PTPRM: variants seen among roughly 807,000 people sequenced by gnomAD.
PTPRM encodes receptor-type tyrosine-protein phosphatase mu.
Under a neutral mutation model 186.7 loss-of-function variants are expected in PTPRM, and 47 were observed. The ratio of observed to expected loss-of-function variants is 0.25; its 90% confidence interval spans 0.20 to 0.32. The LOEUF (loss-of-function observed/expected upper bound fraction) is 0.32, where lower values mean the gene tolerates loss of function less well. Among genes scored for constraint, PTPRM ranks in the 10% least tolerant of loss-of-function variants. PTPRM has a pLI of 1.00. For missense variants in PTPRM, 1,494 were observed against 1,865.0 expected, an observed-to-expected ratio of 0.80 and a Z score of 3.66; for synonymous variants, 668 against 674.9, an observed-to-expected ratio of 0.99 and a Z score of 0.16.
chr18:7,616,885 C>T (rs991163388), intron 1 of PTPRM, among the ~76,000 whole-genome samples: 1 of 152,118 alleles, frequency 6.6e-6, no homozygotes, highest in Non-Finnish European at 1.5e-5. Flanking sequence ...CTCTCCTGGC[C>T]AGCGCCCAGG....
intron 7 of PTPRM, chr18:8,017,700 G>A (rs2084965738): frequency 6.6e-6 from 1 of 151,006 alleles, no homozygotes; most frequent in Admixed American, 6.6e-5. Context: ...AGGAAAACAA[G>A]TTCCCAGGAG....
At chr18:8,353,930 G>A (rs549125814) in intron 23 of PTPRM, among the ~76,000 whole-genome samples, 56 of 152,320 alleles carry the variant, frequency 3.7e-4, no homozygotes, top group Admixed American at 2.9e-3. Context: ...AGTATAATGC[G>A]GCTGGGCGCA....
rs77765539 is a variant in PTPRM, at chr18:7,860,301, G to A, written c.197-27805G>A. 2.6e-3 allele frequency among the ~76,000 whole-genome samples: 403 copies of A among 152,232 alleles called. 17 individuals are homozygous for A. In the East Asian group the frequency reaches 0.074, roughly 28 times the overall value. ...TTGGCTAGGCTGGCCTTGAACTTCT[G>A]ACCTCAAGTGATCTGCTGGCCTTGG... On this transcript the variant is annotated intron_variant, in intron 2 of 32. Coordinates refer to ENST00000580170, the MANE Select transcript of PTPRM (RefSeq NM_001105244.2).
chr18:8,188,834 A>G (rs1443889615), intron 14 of PTPRM, among the ~76,000 whole-genome samples: 1 of 152,194 alleles, frequency 6.6e-6, no homozygotes, highest in Non-Finnish European at 1.5e-5. Flanking sequence ...CCTAAGACCT[A>G]CCTGACATCA....
At chr18:7,862,158 A>T (rs1351977163) in intron 2 of PTPRM, among the ~76,000 whole-genome samples, 2 of 152,208 alleles carry the variant, frequency 1.3e-5, no homozygotes, top group Non-Finnish European at 2.9e-5. Context: ...TTATAGTGAA[A>T]TCAGTTAAGT....
At chr18:7,897,195 G>A (rs1274656930) in intron 3 of PTPRM, among the ~76,000 whole-genome samples, 5 of 152,308 alleles carry the variant, frequency 3.3e-5, no homozygotes, top group South Asian at 2.1e-4. Context: ...TTGAATCTCC[G>A]GGAAGGACAC....
At chr18:8,401,648 C>T (rs936318257) in intron 32 of PTPRM, among the ~76,000 whole-genome samples, 2 of 152,218 alleles carry the variant, frequency 1.3e-5, no homozygotes, top group Non-Finnish European at 2.9e-5. Flanking sequence ...GAAGTGCCCA[C>T]GCTGGCCGCC....
At chr18:8,172,393 A>G (rs1478279065) in intron 14 of PTPRM, among the ~76,000 whole-genome samples, 1 of 151,094 alleles carries the variant, frequency 6.6e-6, no homozygotes, top group Non-Finnish European at 1.5e-5. Flanking sequence ...TCTTCAATGT[A>G]CTGGGAAATT....
intron 1 of PTPRM, among the ~76,000 whole-genome samples, chr18:7,706,910 G>A (rs2144751756): frequency 6.6e-6 from 1 of 152,170 alleles, no homozygotes; most frequent in Middle Eastern, 3.4e-3. Flanking sequence ...ACCTTCCTAG[G>A]AGAGAAATTT....
chr18:7,670,577 T>C (rs76411427), intron 1 of PTPRM, among the ~76,000 whole-genome samples: 2,398 of 152,308 alleles, frequency 0.016, 38 homozygotes, highest in East Asian at 0.038. Flanking sequence ...GTATATCCAG[T>C]AGAAGCAGAG....
intron 2 of PTPRM, among the ~76,000 whole-genome samples, chr18:7,786,481 A>C (rs2043101061): frequency 6.6e-6 from 1 of 152,150 alleles, no homozygotes; most frequent in Non-Finnish European, 1.5e-5. Flanking sequence ...TTTTATATTT[A>C]TTCTGTTACC....
intron 2 of PTPRM, among the ~76,000 whole-genome samples, chr18:7,850,350 A>G (rs2046803172): frequency 6.6e-6 from 1 of 152,210 alleles, no homozygotes; most frequent in Admixed American, 6.5e-5. Flanking sequence ...GAACAAATAG[A>G]AAATCTGGAA....
intron 1 of PTPRM, among the ~76,000 whole-genome samples, chr18:7,681,841 G>T (rs775968795): frequency 1.3e-4 from 20 of 152,118 alleles, no homozygotes; most frequent in Non-Finnish European, 5.9e-5. Flanking sequence ...TTAATTGGGT[G>T]GATATAAGGA....
intron 13 of PTPRM, among the ~76,000 whole-genome samples, chr18:8,137,309 A>G (rs1353174706): frequency 2.6e-5 from 4 of 152,100 alleles, no homozygotes; most frequent in Non-Finnish European, 1.5e-5. Flanking sequence ...TTTGTTGCTC[A>G]GGTTCAATTC....
chr18:8,001,996 A>G (rs2083902207), intron 7 of PTPRM, among the ~76,000 whole-genome samples: 1 of 152,200 alleles, frequency 6.6e-6, no homozygotes, highest in African/African-American at 2.4e-5. Context: ...AAGTTTCAGA[A>G]CTTAAAAAGA....
chr18:7,573,290 G>C (rs1190142356), intron 1 of PTPRM, among the ~76,000 whole-genome samples: 1 of 152,218 alleles, frequency 6.6e-6, no homozygotes, highest in East Asian at 1.9e-4. Flanking sequence ...AAGAGTGGCA[G>C]TTGTGCAGGT....
At chr18:8,304,049 T>C (rs1461143927) in intron 20 of PTPRM, among the ~76,000 whole-genome samples, 1 of 152,036 alleles carries the variant, frequency 6.6e-6, no homozygotes, top group Non-Finnish European at 1.5e-5. Context: ...TAATTGTGAT[T>C]CCAATTTACC....
intron 23 of PTPRM, among the ~76,000 whole-genome samples, chr18:8,365,562 C>A (rs990207929): frequency 6.6e-6 from 1 of 152,246 alleles, no homozygotes; most frequent in Non-Finnish European, 1.5e-5. Context: ...TTCCCCAAAA[C>A]CACCTATTGT....
intron 14 of PTPRM, among the ~76,000 whole-genome samples, chr18:8,229,541 A>C (rs956783483): frequency 6.6e-6 from 1 of 152,152 alleles, no homozygotes; most frequent in African/African-American, 2.4e-5. Context: ...TTTATCTCAC[A>C]TGTTGGTTTA....
Sources: allele counts gnomAD v4.1 joint callset (sites outside exome capture counted in the v4.1 genomes callset), GRCh38; gene constraint gnomAD v4.1.1; transcripts MANE v1.5; gene names NCBI Gene and HGNC (gene_info 2026-07-23, HGNC 2026-07-21).